HSD3B1: variants seen among roughly 807,000 people sequenced by gnomAD.
The protein encoded by HSD3B1 is hydroxy-delta-5-steroid dehydrogenase, 3 beta- and steroid delta-isomerase 1, also known as 3 beta-hydroxysteroid dehydrogenase/Delta 5-->4-isomerase type 1.
HSD3B1 carries 11 observed loss-of-function variants against 10.4 expected under a neutral mutation model. That is an observed-to-expected ratio of 1.05 (90% confidence interval 0.66 to 1.75). The LOEUF is 1.75. Among genes scored for constraint, HSD3B1 ranks in the 40% most tolerant of loss-of-function variants. The pLI, the probability that HSD3B1 is intolerant of heterozygous loss-of-function variation, is 0.00. For missense variants in HSD3B1, 490 were observed against 454.5 expected (o/e 1.08, Z -0.71); for synonymous variants, 217 against 185.4 (o/e 1.17, Z -1.39).
intron 3 of HSD3B1, 140 bp from the exon 4 acceptor site, chr1:119,513,694 C>A: frequency 1.2e-6 from 1 of 814,494 alleles, no homozygotes; most frequent in East Asian, 2.5e-5. Flanking sequence ...AAATCTCAGA[C>A]AGAACCACAG....
intron 2 of HSD3B1, among the ~76,000 whole-genome samples, chr1:119,508,286 T>C (rs587632027): frequency 2.0e-5 from 3 of 151,622 alleles, no homozygotes; most frequent in Non-Finnish European, 4.4e-5. Context: ...GTGTGCACAG[T>C]GCACAGCACA....
At chr1:119,509,076 T>A (rs1653869251) in intron 2 of HSD3B1, among the ~76,000 whole-genome samples, 1 of 152,248 alleles carries the variant, frequency 6.6e-6, no homozygotes, top group South Asian at 2.1e-4. Context: ...GTGTTCTTTT[T>A]GTGCCAGGCA....
At chr1:119,511,397 A>T in intron 2 of HSD3B1, 106 bp from the exon 3 acceptor site, 6 of 1,091,440 alleles carry the variant, frequency 5.5e-6, no homozygotes, top group Non-Finnish European at 6.9e-6. Flanking sequence ...CCACTCTAAC[A>T]CCCTACTCTA....
chr1:119,509,245 C>T (rs1653872814), intron 2 of HSD3B1, among the ~76,000 whole-genome samples: 1 of 152,146 alleles, frequency 6.6e-6, no homozygotes, highest in African/African-American at 2.4e-5. Context: ...GATTTGAACC[C>T]AGACAGACTA....
chr1:119,514,007 G>T lies in HSD3B1; in HGVS notation c.484G>T (p.Ala162Ser), dbSNP rs997216232. 2 of 1,614,012 alleles carry T rather than the reference G, an allele frequency of 1.2e-6. No homozygotes were observed. The highest frequency in any genetic ancestry group is 1.7e-6 in the Non-Finnish European group (2 of 1,180,014). The change falls in exon 4 of 4, where the codon GCT becomes TCT. Residue 162 changes from alanine (A) to serine (S), a missense_variant. Transcript: ENST00000369413. The part of the protein sequence containing the change: ...PAPYPHSKKL[A>S]EKAVLAANGW... ...TCCATACCCACACAGCAAAAAGCTT[G>T]CTGAGAAGGCTGTACTGGCGGCTAA...
At chr1:119,511,467 G>C (rs587668816) in intron 2 of HSD3B1, 36 bp from the exon 3 acceptor site, 2 of 1,610,962 alleles carry the variant, frequency 1.2e-6, no homozygotes, top group East Asian at 4.5e-5. Context: ...GCCAGATACA[G>C]AAATCATTCC....
chr1:119,513,720 G>A, intron 3 of HSD3B1, 114 bp from the exon 4 acceptor site: 1 of 977,930 alleles, frequency 1.0e-6, no homozygotes, highest in Non-Finnish European at 1.6e-6. Context: ...TGTACCCTGA[G>A]TCTGTTACAA....
intron 3 of HSD3B1, among the ~76,000 whole-genome samples, chr1:119,513,336 T>C (rs1653990938): frequency 6.6e-6 from 1 of 152,172 alleles, no homozygotes; most frequent in Admixed American, 6.5e-5. Context: ...TTCATATATA[T>C]TGAAGAGTTT....
In HSD3B1 at chr1:119,507,443, T is replaced by G. The variant is rs778757770; in HGVS notation, c.-34T>G. 2 of 1,612,370 alleles carry G rather than the reference T, an allele frequency of 1.2e-6. No homozygotes were observed. The highest frequency in any genetic ancestry group is 2.2e-5 in the East Asian group (1 of 44,814). ...GATCTGCTCCCCAGCATCTTCTGTT[T>G]CCTGGTGAGTGATTCCTGCTACTTT... is the stretch of plus-strand genomic sequence containing the variant. On this transcript the variant is annotated 5_prime_UTR_variant, in exon 2 of 4. Transcript: ENST00000369413.
At position 119,507,496 on chromosome 1, in the gene HSD3B1, T is replaced by C. The variant is rs367710373; in HGVS notation, c.20T>C (p.Leu7Pro). The change falls in exon 2 of 4, where the codon CTT becomes CCT. Residue 7 changes from leucine (L) to proline (P), a missense_variant. Transcript: ENST00000369413. Reference protein sequence around the residue: MTGWSCLVTGAGGFLGQ... With the variant: MTGWSCPVTGAGGFLGQ... ...ATGGCCATGACGGGCTGGAGCTGCCTTGTGACAGGAGCAGGAGGGTTTCTG... is the reference window on the plus strand; with the variant it reads ...ATGGCCATGACGGGCTGGAGCTGCCCTGTGACAGGAGCAGGAGGGTTTCTG... 27 of 1,613,864 alleles carry C rather than the reference T, an allele frequency of 1.7e-5. No individual in the cohort carries two copies. Among genetic ancestry groups the C allele is most frequent in the Non-Finnish European group, 2.2e-5 (26 of 1,179,952 alleles).
rs1370174138 is a variant in HSD3B1 at position 119,513,965 on chromosome 1, G to A, written c.442G>A (p.Glu148Lys). Residue 148 changes from glutamate to lysine, a missense_variant, in exon 4 of 4, where the codon GAA becomes AAA. By Grantham distance (56) the Glu-to-Lys change is moderately conservative. Transcript: ENST00000369413. The stretch of plus-strand genomic sequence containing the variant: ...GAATGGCCATGAAGAAGAGCCTCTG[G>A]AAAACACATGGCCCGCTCCATACCC... ...IQNGHEEEPL[E>K]NTWPAPYPHS... The A allele has an allele frequency of 6.2e-7, 1 of 1,614,052 alleles. No homozygotes were observed. Among genetic ancestry groups the A allele is most frequent in the Non-Finnish European group, 8.5e-7 (1 of 1,180,004 alleles).
rs1557897043 is a variant in HSD3B1, at chr1:119,514,217, GC to G, written c.697del (p.His233ThrfsTer5). ...NPVYVGNVAW[A>X]HILALRALQD... ...AGTCTATGTTGGCAATGTGGCCTGG[GC>G]CCACATTCTGGCCTTGAGGGCCCTG... On this transcript the variant is annotated frameshift_variant, in exon 4 of 4. Transcript: ENST00000369413. LOFTEE classifies it low-confidence loss of function (END_TRUNC). The G allele has an allele frequency of 6.2e-7, 1 of 1,614,084 alleles. No homozygotes were observed.
intron 3 of HSD3B1, among the ~76,000 whole-genome samples, chr1:119,512,162 C>T (rs771628267): frequency 9.9e-5 from 15 of 152,244 alleles, no homozygotes; most frequent in South Asian, 2.1e-4. Flanking sequence ...AAAGTCCTCT[C>T]GAGAGAACTA....
chr1:119,511,824 C>T (rs1570879821), intron 3 of HSD3B1, 157 bp downstream of exon 3: 2 of 684,676 alleles, frequency 2.9e-6, no homozygotes, highest in East Asian at 2.7e-5. Context: ...AGACTGCTAA[C>T]TTTAGTTTTT....
In HSD3B1 at chr1:119,507,324, A is replaced by G. The variant is rs1011091356; in HGVS notation, c.-86+62A>G. The G allele has an allele frequency of 2.6e-5, 18 of 684,872 alleles. No homozygotes were observed. The East Asian group carries it at 4.3e-4, about 16-fold the overall frequency. The allele number at this position is 684,872 out of a possible 1,614,324, so 42.4% of individuals were successfully genotyped here. ...AGTGGTGGGGACACAGAATGTTTGCAAAAAAAATGGGGTGGAGGAAAATGA... is the reference window on the plus strand; with the variant it reads ...AGTGGTGGGGACACAGAATGTTTGCGAAAAAAATGGGGTGGAGGAAAATGA... On this transcript the variant is annotated intron_variant, in intron 1 of 3. Transcript: ENST00000369413.
chr1:119,513,332 T>C (rs1653990792), intron 3 of HSD3B1, among the ~76,000 whole-genome samples: 1 of 152,170 alleles, frequency 6.6e-6, no homozygotes, highest in Non-Finnish European at 1.5e-5. Context: ...CAATTTCATA[T>C]ATATTGAAGA....
chr1:119,511,975 T>G (rs1425434533), intron 3 of HSD3B1: 4 of 325,792 alleles, frequency 1.2e-5, no homozygotes, highest in Non-Finnish European at 2.3e-5. Flanking sequence ...CAAAAGCTCT[T>G]TCTACTGTGG....
chr1:119,514,810 G>A lies in HSD3B1; in HGVS notation c.*165G>A, dbSNP rs1001647666. 2.7e-5 allele frequency: 20 copies of A among 730,276 alleles called. No homozygotes were observed. Among genetic ancestry groups the A allele is most frequent in the Middle Eastern group, 3.8e-4 (1 of 2,616 alleles). 45.2% of individuals were successfully genotyped at this position (730,276 alleles called of 1,614,324 possible). A position where few individuals can be genotyped will look rare whatever the true frequency, so the allele number is the denominator to read the frequency against. On this transcript the variant is annotated 3_prime_UTR_variant, in exon 4 of 4. Coordinates refer to ENST00000369413, the MANE Select transcript of HSD3B1 (RefSeq NM_000862.3). ...TATTCCTCATGTCATCAAAACCTGC[G>A]CAGTCATTGGCCCAACAAGAAGGTT...
At position 119,514,916 on chromosome 1, in the gene HSD3B1, G is replaced by T; in HGVS notation, c.*271G>T. ...CAGTAGCTGATTCTGAACAATTTAG[G>T]GACTCTTTTAACTTGAGGGTCGTTT... On this transcript the variant is annotated 3_prime_UTR_variant, in exon 4 of 4. Transcript: ENST00000369413. The T allele has an allele frequency of 4.2e-6, 2 of 477,158 alleles. No individual in the cohort carries two copies. Among genetic ancestry groups the T allele is most frequent in the East Asian group, 3.7e-5 (1 of 26,684 alleles). 29.6% of individuals were successfully genotyped at this position (477,158 alleles called of 1,614,324 possible). A position where few individuals can be genotyped will look rare whatever the true frequency, so the allele number is the denominator to read the frequency against.
Sources: allele counts gnomAD v4.1 joint callset (sites outside exome capture counted in the v4.1 genomes callset), GRCh38; gene constraint gnomAD v4.1.1; transcripts MANE v1.5; gene names NCBI Gene and HGNC (gene_info 2026-07-23, HGNC 2026-07-21).